THSD7A: variants seen among roughly 807,000 people sequenced by gnomAD.
THSD7A encodes thrombospondin type 1 domain containing 7A.
THSD7A carries 96 observed loss-of-function variants against 231.3 expected under a neutral mutation model. The observed-to-expected ratio is 0.41, with a 90% CI of 0.35 to 0.49. The LOEUF (loss-of-function observed/expected upper bound fraction) is 0.49, where lower values mean the gene tolerates loss of function less well. Among genes scored for constraint, THSD7A ranks in the 20% least tolerant of loss-of-function variants. The probability of loss-of-function intolerance (pLI) is 0.05; values close to 1 mark genes in which losing one functional copy is unlikely to be tolerated. For synonymous variants in THSD7A, 940 were observed against 743.3 expected (o/e 1.26, Z -4.30); for missense variants, 2,290 against 2,070.2 (o/e 1.11, Z -2.06).
At chr7:11,781,081 CA>C (rs1386865823) in intron 1 of THSD7A, among the ~76,000 whole-genome samples, 1 of 127,386 alleles carries the variant, frequency 7.9e-6, no homozygotes. Flanking sequence ...CACAGAGGAT[CA>C]AAAGTTACAT....
chr7:11,432,322 G>T (rs554539934), intron 13 of THSD7A, among the ~76,000 whole-genome samples: 2 of 152,218 alleles, frequency 1.3e-5, no homozygotes, highest in East Asian at 3.9e-4. Context: ...TTTTTATGTA[G>T]TATCTCCTAT....
intron 26 of THSD7A, 110 bp downstream of exon 26, chr7:11,378,960 A>G (rs190716315): frequency 9.5e-5 from 94 of 990,078 alleles, no homozygotes; most frequent in Non-Finnish European, 1.3e-4. Context: ...ATGCATGTAG[A>G]TAAAATAATC....
At chr7:11,440,683 A>T (rs1205251860) in intron 13 of THSD7A, among the ~76,000 whole-genome samples, 1 of 152,060 alleles carries the variant, frequency 6.6e-6, no homozygotes, top group African/African-American at 2.4e-5. Flanking sequence ...TGAAGATGTG[A>T]CTGGATTGCT....
Position 11,636,897 on chromosome 7 carries a change from C to T in THSD7A, c.255G>A (p.Trp85Ter). The T allele has an allele frequency of 4.3e-6, 7 of 1,613,788 alleles. No homozygotes were observed. The highest frequency in any genetic ancestry group is 5.1e-6 in the Non-Finnish European group (6 of 1,179,872). Residue 85 changes from tryptophan (W) to a stop codon, truncating the protein, a stop_gained, in exon 2 of 28, where the codon TGG (tryptophan) becomes TGA (stop). Coordinates refer to ENST00000423059, the MANE Select transcript of THSD7A (RefSeq NM_015204.3). LOFTEE classifies it high-confidence loss of function. The surrounding 1 kb of genome is among the most constrained non-coding windows in gnomAD (Gnocchi z 10.0). ...GPGGIQTRAV[W>*]CAHVEGWTTL... is the part of the protein sequence containing the mutation. The stretch of plus-strand genomic sequence containing the variant: ...TAGTCCATCCCTCCACATGAGCACA[C>T]CACACAGCCCTCGTTTGGATGCCTC...
intron 4 of THSD7A, among the ~76,000 whole-genome samples, chr7:11,581,188 T>C (rs112013230): frequency 2.0e-5 from 3 of 152,166 alleles, no homozygotes; most frequent in African/African-American, 7.2e-5. Context: ...TAATTAATAT[T>C]GTTATTATCA....
chr7:11,412,531 TG>T, intron 18 of THSD7A, 124 bp downstream of exon 18: 2 of 1,129,906 alleles, frequency 1.8e-6, no homozygotes, highest in Non-Finnish European at 1.2e-6. Context: ...TAATTATTTC[TG>T]GGAAAGTAAG....
chr7:11,751,302 G>A (rs1782493143), intron 1 of THSD7A: 2 of 152,034 alleles, frequency 1.3e-5, no homozygotes, highest in Admixed American at 6.6e-5. Context: ...ATTAGGGGAG[G>A]AAAAGAGGGC....
At chr7:11,519,967 GCTC>G (rs1485938671) in intron 6 of THSD7A, 6 of 152,132 alleles carry the variant, frequency 3.9e-5, no homozygotes, top group East Asian at 1.9e-4. Context: ...GAATGCATGT[GCTC>G]CTCTTCTCTT....
intron 1 of THSD7A, among the ~76,000 whole-genome samples, chr7:11,713,153 GC>G (rs1781021609): frequency 6.6e-6 from 1 of 151,154 alleles, no homozygotes. Flanking sequence ...GTTCTGCATA[GC>G]ACATTGCTGC....
At chr7:11,396,378 T>A (rs575189831) in intron 23 of THSD7A, among the ~76,000 whole-genome samples, 1 of 152,008 alleles carries the variant, frequency 6.6e-6, no homozygotes, top group South Asian at 2.1e-4. Flanking sequence ...AATTTAGATA[T>A]ATGGCTAGCC....
intron 1 of THSD7A, among the ~76,000 whole-genome samples, chr7:11,671,275 T>G (rs1783381633): frequency 6.6e-6 from 1 of 152,322 alleles, no homozygotes; most frequent in African/African-American, 2.4e-5. Flanking sequence ...CCTCTGGCTC[T>G]GTGTGGCTTT....
chr7:11,806,995 A>AATAT (rs147542391), intron 1 of THSD7A, among the ~76,000 whole-genome samples: 1 of 149,670 alleles, frequency 6.7e-6, no homozygotes. Flanking sequence ...TCTCTCTCTA[A>AATAT]ATATATATAT....
intron 10 of THSD7A, 35 bp from the exon 11 acceptor site, chr7:11,460,800 A>G: frequency 1.3e-6 from 2 of 1,562,898 alleles, no homozygotes; most frequent in East Asian, 2.3e-5. Context: ...GTGGGGAAGA[A>G]GCAAAAATGC....
chr7:11,389,825 C>T (rs566023965), intron 23 of THSD7A, among the ~76,000 whole-genome samples: 4 of 152,278 alleles, frequency 2.6e-5, no homozygotes, highest in African/African-American at 9.6e-5. Context: ...CAAAATCTCT[C>T]AGCATTTGCT....
At chr7:11,498,165 C>T (rs1412741419) in intron 6 of THSD7A, among the ~76,000 whole-genome samples, 6 of 152,140 alleles carry the variant, frequency 3.9e-5, no homozygotes, top group African/African-American at 1.4e-4. Context: ...TGGGGCTGAT[C>T]CATAACAGCC....
chr7:11,521,010 T>C (rs1166191290), intron 6 of THSD7A, among the ~76,000 whole-genome samples: 3 of 152,192 alleles, frequency 2.0e-5, no homozygotes, highest in Non-Finnish European at 4.4e-5. Flanking sequence ...ATTCAAAAAA[T>C]GCACAAATAT....
chr7:11,605,201 T>C (rs1205296542), intron 2 of THSD7A, among the ~76,000 whole-genome samples: 1 of 152,118 alleles, frequency 6.6e-6, no homozygotes, highest in Non-Finnish European at 1.5e-5. Flanking sequence ...TGTATATATG[T>C]ATCTATCTAT....
chr7:11,509,603 C>T (rs1406573827), intron 6 of THSD7A, among the ~76,000 whole-genome samples: 2 of 151,404 alleles, frequency 1.3e-5, no homozygotes, highest in African/African-American at 4.8e-5. Flanking sequence ...GAGGCCGAGG[C>T]GGGTGGATCA....
chr7:11,446,366 C>G lies in THSD7A; in HGVS notation c.2801-42G>C. ...ATCAGGCAATTTAAGTTGGAAAATA[C>G]CATCATTAATTTCACACATCCCTAA... On this transcript the variant is annotated intron_variant, in intron 12 of 27. Transcript: ENST00000423059. The surrounding 1 kb of genome is among the most constrained non-coding windows in gnomAD (Gnocchi z 4.0). 1 of 1,573,868 alleles carries G rather than the reference C, an allele frequency of 6.4e-7. No individual in the cohort carries two copies. The highest frequency in any genetic ancestry group is 8.6e-7 in the Non-Finnish European group (1 of 1,161,524).
Sources: gnomAD v4.1 joint callset for allele counts (sites outside exome capture counted in the v4.1 genomes callset) on GRCh38, gnomAD v4.1.1 for gene constraint, Gnocchi (gnomAD v3.1) non-coding constraint, MANE v1.5 for transcripts, NCBI Gene and HGNC (gene_info 2026-07-23, HGNC 2026-07-21) for gene names.